The following PRKCZ variants were observed in gnomAD, a reference collection of about 807,000 sequenced individuals.
The protein encoded by PRKCZ is protein kinase C zeta.
Under a neutral mutation model 79.5 loss-of-function variants are expected in PRKCZ, and 33 were observed. The observed-to-expected ratio is 0.41, with a 90% confidence interval of 0.31 to 0.55. The LOEUF is 0.55. PRKCZ is among the 20% of genes least tolerant of loss of function. The pLI is 0.19. For synonymous variants in PRKCZ, 342 were observed against 320.9 expected (o/e 1.07, Z -0.70); for missense variants, 578 against 813.5 (o/e 0.71, Z 3.52).
In PRKCZ at chr1:2,185,355, G is replaced by GTAC; in HGVS notation, c.*347_*348insACT. 1.4e-6 allele frequency: 1 copy of GTAC among 718,842 alleles called. No individual in the cohort carries two copies. Among genetic ancestry groups the GTAC allele is most frequent in the Non-Finnish European group, 2.6e-6 (1 of 385,154 alleles). The allele number at this position is 718,842 out of a possible 1,614,324, so 44.5% of individuals were successfully genotyped here. ...GACCTGCTCCGCCAGGAAAGTGAGC[G>GTAC]TGTAGCGTCCTGAGGAATAAAATGT... is the stretch of plus-strand genomic sequence containing the variant. On this transcript the variant is annotated 3_prime_UTR_variant, in exon 18 of 18. Transcript: ENST00000378567.
In PRKCZ at chr1:2,177,252, C is replaced by T. The variant is rs1685667718; in HGVS notation, c.1575+1939C>T. On this transcript the variant is annotated intron_variant, in intron 16 of 17. Coordinates refer to ENST00000378567, the MANE Select transcript of PRKCZ (RefSeq NM_002744.6). This position sits in a 1 kb window ranked among gnomAD's most constrained non-coding sequence, Gnocchi z 6.4. ...CACACACACACTCAGGTCCAGGTAC[C>T]ACCCGGCTGAACCCGTAGCAGGTGC... Among the ~76,000 whole-genome samples, 5 of 152,172 alleles carry T rather than the reference C, an allele frequency of 3.3e-5. No homozygotes were observed. The South Asian group carries it at 1.0e-3, about 31-fold the overall frequency.
intron 4 of PRKCZ, among the ~76,000 whole-genome samples, chr1:2,112,288 G>A (rs1461804959): frequency 6.6e-6 from 1 of 152,216 alleles, no homozygotes; most frequent in Non-Finnish European, 1.5e-5. Flanking sequence ...GGGTTAAGCT[G>A]AGGCCCCTGC....
At chr1:2,104,728 G>A (rs1310687489) in intron 4 of PRKCZ, 29 of 985,238 alleles carry the variant, frequency 2.9e-5, no homozygotes, top group East Asian at 1.1e-4. Flanking sequence ...AACATCGCTC[G>A]GTGCCAGACA....
intron 4 of PRKCZ, among the ~76,000 whole-genome samples, chr1:2,096,497 A>G (rs570470417): frequency 1.4e-4 from 21 of 152,198 alleles, no homozygotes; most frequent in African/African-American, 4.3e-4. Flanking sequence ...CTAACACAGC[A>G]GTGTGTAAAA....
intron 4 of PRKCZ, among the ~76,000 whole-genome samples, chr1:2,102,192 CG>C (rs894433732): frequency 6.6e-6 from 1 of 152,132 alleles, no homozygotes; most frequent in African/African-American, 2.4e-5. Flanking sequence ...GGCCCTGCCC[CG>C]ACCTCCACAC....
intron 9 of PRKCZ, among the ~76,000 whole-genome samples, chr1:2,151,899 ACCTCCTGCAGCCTCCACCT>A (rs753489407): frequency 1.3e-5 from 2 of 151,798 alleles, no homozygotes; most frequent in Non-Finnish European, 2.9e-5. Context: ...ATCACGGTTC[ACCTCCTGCAGCCTCCACCT>A]CCTCCTGCAG....
intron 4 of PRKCZ, among the ~76,000 whole-genome samples, chr1:2,097,085 C>A (rs557420035): frequency 6.6e-6 from 1 of 152,374 alleles, no homozygotes; most frequent in Admixed American, 6.5e-5. Context: ...TCAGAGGCTT[C>A]ATCGCCTGCA....
chr1:2,179,784 A>T (rs1686184496), intron 16 of PRKCZ, among the ~76,000 whole-genome samples: 1 of 151,920 alleles, frequency 6.6e-6, no homozygotes, highest in African/African-American at 2.4e-5. Flanking sequence ...AAGGACTCTA[A>T]TGCTTCGTGT....
In PRKCZ at chr1:2,079,492, A is replaced by C. The variant is rs564521769; in HGVS notation, c.334+19901A>C. 2.3e-4 allele frequency among the ~76,000 whole-genome samples: 35 copies of C among 152,342 alleles called. No homozygotes were observed. The South Asian group carries it at 7.3e-3, about 32-fold the overall frequency. ...CCCCAGGGCCTGAAGCTGCGTGGTC[A>C]GGCCCCAGCTCTGCTGCCCACCAGC... is the stretch of plus-strand genomic sequence containing the variant. On this transcript the variant is annotated intron_variant, in intron 4 of 17. Transcript: ENST00000378567.
At chr1:2,052,436 C>G (rs1219222427) in intron 1 of PRKCZ, among the ~76,000 whole-genome samples, 2 of 150,864 alleles carry the variant, frequency 1.3e-5, no homozygotes, top group Non-Finnish European at 3.0e-5. Flanking sequence ...CTTCCTCTTC[C>G]TCCCTCCTTC....
rs1270125227 is a variant in PRKCZ at position 2,056,473 on chromosome 1, G to C, written c.194-11G>C. On this transcript the variant is annotated splice_polypyrimidine_tract_variant and intron_variant, in intron 2 of 17. Coordinates refer to ENST00000378567, the MANE Select transcript of PRKCZ (RefSeq NM_002744.6). Reference sequence around the variant, plus strand: ...TTCGGCGACGTCAGCACCGTCTCCTGCCCCACCCAGGTGACCCTTGCACGG... The same window carrying C: ...TTCGGCGACGTCAGCACCGTCTCCTCCCCCACCCAGGTGACCCTTGCACGG... 6.2e-7 allele frequency: 1 copy of C among 1,612,442 alleles called. No individual in the cohort carries two copies. The highest frequency in any genetic ancestry group is 1.1e-5 in the South Asian group (1 of 90,692).
At chr1:2,139,724 G>A (rs936436379) in intron 5 of PRKCZ, among the ~76,000 whole-genome samples, 10 of 152,232 alleles carry the variant, frequency 6.6e-5, no homozygotes, top group Non-Finnish European at 1.2e-4. Context: ...AATGTGCAGC[G>A]ATGTTCCCAT....
rs1413792255 is a variant in PRKCZ at position 2,082,721 on chromosome 1, C to T, written c.334+23130C>T. ...CAACCCTCCCCTGGAGATGGGATGT[C>T]AGGAGACCTGGTTCCATTTGTTTTT... On this transcript the variant is annotated intron_variant, in intron 4 of 17. Transcript: ENST00000378567. This position sits in a 1 kb window ranked among gnomAD's most constrained non-coding sequence, Gnocchi z 4.4. Among the ~76,000 whole-genome samples, 5 of 141,742 alleles carry T rather than the reference C, an allele frequency of 3.5e-5. No individual in the cohort carries two copies. The East Asian group carries it at 7.5e-4, about 21-fold the overall frequency. The allele number at this position is 141,742 out of a possible 152,430, so 93.0% of individuals were successfully genotyped here.
rs1052372933 is a variant in PRKCZ, at chr1:2,094,188, A to G, written c.334+34597A>G. 3.3e-5 allele frequency among the ~76,000 whole-genome samples: 5 copies of G among 151,254 alleles called. No individual in the cohort carries two copies. The highest frequency in any genetic ancestry group is 1.2e-4 in the African/African-American group (5 of 41,128). ...CCCCCGTCCCGGGAGCAGCCCCCCC[A>G]CTTCCACCTGTCTTGGACGGGAGCT... On this transcript the variant is annotated intron_variant, in intron 4 of 17. Coordinates refer to ENST00000378567, the MANE Select transcript of PRKCZ (RefSeq NM_002744.6). The surrounding 1 kb of genome is among the most constrained non-coding windows in gnomAD (Gnocchi z 7.3).
At chr1:2,121,519 A>AGGTCATGGCAGTAGTTAG (rs1553154022) in intron 4 of PRKCZ, among the ~76,000 whole-genome samples, 2 of 105,878 alleles carry the variant, frequency 1.9e-5, no homozygotes, top group African/African-American at 6.4e-5. Context: ...GTGGTACTTA[A>AGGTCATGGCAGTAGTTAG]GGTCATGGCA....
chr1:2,165,601 T>C lies in PRKCZ; in HGVS notation c.975-3917T>C, dbSNP rs926744888. 6.6e-6 allele frequency among the ~76,000 whole-genome samples: 1 copy of C among 152,230 alleles called. No homozygotes were observed. The highest frequency in any genetic ancestry group is 2.4e-5 in the African/African-American group (1 of 41,460). ...TAAATATTTCCACCTTTGTGGGCCA[T>C]GCGGCCTCTGTGGCAACTATGCGTT... On this transcript the variant is annotated intron_variant, in intron 10 of 17. Coordinates refer to ENST00000378567, the MANE Select transcript of PRKCZ (RefSeq NM_002744.6). The surrounding 1 kb of genome is among the most constrained non-coding windows in gnomAD (Gnocchi z 4.1).
At position 2,149,367 on chromosome 1, in the gene PRKCZ, G is replaced by A. The variant is rs116254500; in HGVS notation, c.687+443G>A. ...GCCAAGAGGCTCAACTGAGCCTCAC[G>A]TCTGTGGCCAGCTCTGCACCATAAA... is the stretch of plus-strand genomic sequence containing the variant. On this transcript the variant is annotated intron_variant, in intron 8 of 17. Transcript: ENST00000378567. This position sits in a 1 kb window ranked among gnomAD's most constrained non-coding sequence, Gnocchi z 4.1. Among the ~76,000 whole-genome samples, 342 of 152,348 alleles carry A rather than the reference G, an allele frequency of 2.2e-3. 1 individual carries two copies. The highest frequency in any genetic ancestry group is 7.8e-3 in the African/African-American group (323 of 41,588).
chr1:2,184,441 A>G (rs116090142), intron 16 of PRKCZ, 142 bp from the exon 17 acceptor site: 154 of 616,326 alleles, frequency 2.5e-4, no homozygotes, highest in African/African-American at 2.4e-3. Context: ...GTAAGAAAAA[A>G]CACTTGGCAG....
chr1:2,112,901 AG>A (rs1670040672), intron 4 of PRKCZ, among the ~76,000 whole-genome samples: 1 of 152,094 alleles, frequency 6.6e-6, no homozygotes, highest in Non-Finnish European at 1.5e-5. Context: ...CGTGTTGGCC[AG>A]GCTGGTCTCG....
Sources: allele counts gnomAD v4.1 joint callset (sites outside exome capture counted in the v4.1 genomes callset), GRCh38; gene constraint gnomAD v4.1.1; non-coding constraint Gnocchi (gnomAD v3.1); transcripts MANE v1.5; gene names NCBI Gene and HGNC (gene_info 2026-07-23, HGNC 2026-07-21).